TNS3: variants seen among roughly 807,000 people sequenced by gnomAD.
TNS3 encodes the protein tensin 3.
A neutral mutation model predicts 140.9 loss-of-function variants in TNS3; 45 were observed. The observed-to-expected ratio is 0.32, with a 90% CI of 0.25 to 0.41. TNS3 has a LOEUF of 0.41. Among genes scored for constraint, TNS3 ranks in the 10% least tolerant of loss-of-function variants. The pLI is 1.00. For synonymous variants in TNS3, 815 were observed against 788.4 expected (o/e 1.03, Z -0.56); for missense variants, 1,716 against 1,906.7 (o/e 0.90, Z 1.86).
chr7:47,336,558 G>A (rs1263389111), intron 20 of TNS3, among the ~76,000 whole-genome samples: 4 of 152,226 alleles, frequency 2.6e-5, no homozygotes, highest in Non-Finnish European at 5.9e-5. Flanking sequence ...GCTTGTTTGT[G>A]AGAAGGGTGG....
chr7:47,554,454 G>T lies in TNS3; in HGVS notation c.-264-25307C>A, dbSNP rs113633117. ...CAAAAAAAAAAACAAATCTGGAAAA[G>T]ATTCAACAGTCCAGATGCCTTTAAG... is the stretch of plus-strand genomic sequence containing the variant. On this transcript the variant is annotated intron_variant, in intron 1 of 30. Coordinates refer to ENST00000311160, the MANE Select transcript of TNS3 (RefSeq NM_022748.12). Among the ~76,000 whole-genome samples, 3 of 151,176 alleles carry T rather than the reference G, an allele frequency of 2.0e-5. 1 individual carries two copies. The highest frequency in any genetic ancestry group is 7.3e-5 in the African/African-American group (3 of 41,202).
At chr7:47,329,375 C>T (rs779960041) in intron 20 of TNS3, among the ~76,000 whole-genome samples, 1 of 152,198 alleles carries the variant, frequency 6.6e-6, no homozygotes, top group South Asian at 2.1e-4. Flanking sequence ...CCCCTGTGCA[C>T]GCCTGTGCTT....
intron 2 of TNS3, among the ~76,000 whole-genome samples, chr7:47,526,046 C>A (rs1357697993): frequency 1.3e-5 from 2 of 152,204 alleles, no homozygotes; most frequent in Non-Finnish European, 2.9e-5. Flanking sequence ...GGCTCCCCGC[C>A]GTCCAAGACG....
At chr7:47,279,914 TG>T in intron 30 of TNS3, 1 of 559,068 alleles carries the variant, frequency 1.8e-6, no homozygotes, top group Non-Finnish European at 3.2e-6. Context: ...TCCATCTCCC[TG>T]TATCTATGCC....
At chr7:47,412,543 A>G (rs1434039063) in intron 12 of TNS3, among the ~76,000 whole-genome samples, 1 of 152,162 alleles carries the variant, frequency 6.6e-6, no homozygotes, top group Non-Finnish European at 1.5e-5. Context: ...GCTTGAACCT[A>G]GGAAGTGGAG....
chr7:47,574,506 AT>A, intron 1 of TNS3, among the ~76,000 whole-genome samples: 1 of 152,228 alleles, frequency 6.6e-6, no homozygotes, highest in African/African-American at 2.4e-5. Flanking sequence ...CAAAAAAAAA[AT>A]GGAAAGCAGG....
intron 1 of TNS3, among the ~76,000 whole-genome samples, chr7:47,537,429 A>G (rs1224489287): frequency 2.0e-5 from 3 of 150,406 alleles, no homozygotes; most frequent in Admixed American, 2.0e-4. Flanking sequence ...CCCCAACCGC[A>G]GCTCCGAGCG....
intron 20 of TNS3, among the ~76,000 whole-genome samples, chr7:47,338,442 TC>T (rs1584431126): frequency 6.6e-6 from 1 of 152,234 alleles, no homozygotes; most frequent in Admixed American, 6.5e-5. Flanking sequence ...ATGTTGAGCA[TC>T]TTTTCACGTG....
chr7:47,406,055 C>T lies in TNS3; in HGVS notation c.724-5141G>A, dbSNP rs189534037. On this transcript the variant is annotated intron_variant, in intron 13 of 30. Coordinates refer to ENST00000311160, the MANE Select transcript of TNS3 (RefSeq NM_022748.12). ...CCAGACTCCTGATGAGCCCGCTGCC[C>T]GCATGAATTCCTGAACAGGGTTACA... 2.9e-3 allele frequency among the ~76,000 whole-genome samples: 445 copies of T among 152,288 alleles called. 1 individual carries two copies. The highest frequency in any genetic ancestry group is 9.9e-3 in the African/African-American group (411 of 41,556).
chr7:47,316,809 A>G (rs1433025093), intron 20 of TNS3, among the ~76,000 whole-genome samples: 3 of 150,846 alleles, frequency 2.0e-5, no homozygotes, highest in Admixed American at 6.6e-5. Flanking sequence ...TCATTATCCT[A>G]TAATTCTTTT....
chr7:47,306,071 C>T (rs1158845014), intron 20 of TNS3, among the ~76,000 whole-genome samples: 2 of 151,996 alleles, frequency 1.3e-5, no homozygotes, highest in African/African-American at 4.8e-5. Context: ...CCTTCTTTAC[C>T]CTTCAAATGA....
intron 3 of TNS3, among the ~76,000 whole-genome samples, chr7:47,490,359 A>G (rs1302189307): frequency 6.6e-6 from 1 of 152,244 alleles, no homozygotes; most frequent in Admixed American, 6.5e-5. Flanking sequence ...TACCTCTACA[A>G]TAACATCCCT....
Position 47,345,015 on chromosome 7 carries a change from C to T in TNS3, c.2475G>A (p.Gln825=). 3.1e-6 allele frequency: 5 copies of T among 1,614,092 alleles called. No individual in the cohort carries two copies. The highest frequency in any genetic ancestry group is 4.2e-6 in the Non-Finnish European group (5 of 1,180,026). ...VKETMTPGYP[Q]DLDIIDGRIL... ...TTCTGCCATCGATAATATCGAGGTC[C>T]TGGGGATAGCCAGGGGTCATCGTCT... is the stretch of plus-strand genomic sequence containing the variant. Residue 825 remains glutamine (Q), a synonymous_variant, in exon 19 of 31, where the codon CAG becomes CAA. Transcript: ENST00000311160.
At chr7:47,345,288 T>C (rs1789268590) in intron 18 of TNS3, among the ~76,000 whole-genome samples, 1 of 152,204 alleles carries the variant, frequency 6.6e-6, no homozygotes, top group Non-Finnish European at 1.5e-5. Flanking sequence ...ATCCTTCTAA[T>C]ACAATATACA....
chr7:47,300,717 A>G (rs948734353), intron 23 of TNS3, among the ~76,000 whole-genome samples: 1 of 152,232 alleles, frequency 6.6e-6, no homozygotes, highest in African/African-American at 2.4e-5. Context: ...TAGGTGCTGG[A>G]TAGGCACCTC....
intron 20 of TNS3, among the ~76,000 whole-genome samples, chr7:47,322,635 AG>A (rs1369506628): frequency 1.3e-5 from 2 of 152,216 alleles, no homozygotes; most frequent in Non-Finnish European, 2.9e-5. Context: ...AAAAGAAAAA[AG>A]AAAATGGTTT....
intron 11 of TNS3, 37 bp from the exon 12 acceptor site, chr7:47,414,034 C>T (rs1420310490): frequency 2.2e-5 from 36 of 1,604,376 alleles, no homozygotes; most frequent in Non-Finnish European, 2.8e-5. Context: ...GAGGCATGAC[C>T]GGTACAGAAC....
intron 1 of TNS3, among the ~76,000 whole-genome samples, chr7:47,536,743 G>A (rs1243864123): frequency 3.3e-5 from 5 of 152,136 alleles, no homozygotes. Flanking sequence ...ACACACAAGG[G>A]TACACACGCA....
chr7:47,527,702 C>T (rs1799248913), intron 2 of TNS3, among the ~76,000 whole-genome samples: 1 of 152,022 alleles, frequency 6.6e-6, no homozygotes, highest in Admixed American at 6.6e-5. Context: ...CACTTGAGGC[C>T]AAGAGTTTAA....
Sources: allele counts gnomAD v4.1 joint callset (sites outside exome capture counted in the v4.1 genomes callset), GRCh38; gene constraint gnomAD v4.1.1; transcripts MANE v1.5; gene names NCBI Gene and HGNC (gene_info 2026-07-23, HGNC 2026-07-21).